Variants in ARID4B observed in about 807,000 individuals in gnomAD.
ARID4B encodes the protein AT-rich interaction domain 4B.
ARID4B carries 26 observed loss-of-function variants against 147.5 expected under a neutral mutation model. The ratio of observed to expected loss-of-function variants is 0.18; its 90% CI spans 0.13 to 0.24. The LOEUF (loss-of-function observed/expected upper bound fraction) is 0.24, where lower values mean the gene tolerates loss of function less well. Ranked by LOEUF, ARID4B falls within the 10% of genes least tolerant of loss-of-function variation. The probability of loss-of-function intolerance (pLI) is 1.00; values close to 1 mark genes in which losing one functional copy is unlikely to be tolerated. For missense variants in ARID4B, 1,179 were observed against 1,511.5 expected (o/e 0.78, Z 3.65); for synonymous variants, 512 against 507.9 (o/e 1.01, Z -0.11).
At chr1:235,316,411 A>G (rs1309647722) in intron 2 of ARID4B, among the ~76,000 whole-genome samples, 1 of 152,092 alleles carries the variant, frequency 6.6e-6, no homozygotes, top group East Asian at 1.9e-4. Flanking sequence ...CTGGAAGCTG[A>G]GGCAGGAGAA....
At chr1:235,230,528 A>C (rs1668134722) in intron 10 of ARID4B, among the ~76,000 whole-genome samples, 1 of 148,918 alleles carries the variant, frequency 6.7e-6, no homozygotes, top group African/African-American at 2.5e-5. Context: ...CAAAAGCTAG[A>C]TTATAGTAAC....
Position 235,257,141 on chromosome 1 carries a change from C to T in ARID4B, c.183+19G>A, listed in dbSNP as rs1295960093. On this transcript the variant is annotated intron_variant, in intron 4 of 23. Transcript: ENST00000264183. ...TTTCCCAAACAACCATTAGAATTAA[C>T]AATGAATACATGAATTACCTTTAGT... is the stretch of plus-strand genomic sequence containing the variant. 2 of 1,561,606 alleles carry T rather than the reference C, an allele frequency of 1.3e-6. No individual in the cohort carries two copies. The highest frequency in any genetic ancestry group is 1.4e-5 in the African/African-American group (1 of 73,786).
intron 17 of ARID4B, among the ~76,000 whole-genome samples, chr1:235,204,560 C>T (rs182405130): frequency 4.2e-4 from 64 of 152,136 alleles, no homozygotes; most frequent in African/African-American, 1.4e-3. Flanking sequence ...AGCAATGTAA[C>T]GCTATAAAAT....
chr1:235,238,718 TG>T (rs990359146), intron 8 of ARID4B, among the ~76,000 whole-genome samples: 1 of 152,056 alleles, frequency 6.6e-6, no homozygotes, highest in African/African-American at 2.4e-5. Flanking sequence ...TAGCCAGATG[TG>T]GTGGTCTCCA....
intron 2 of ARID4B, among the ~76,000 whole-genome samples, chr1:235,261,618 T>C (rs1162234419): frequency 6.6e-6 from 1 of 152,222 alleles, no homozygotes; most frequent in Non-Finnish European, 1.5e-5. Flanking sequence ...GAAAGTCATC[T>C]GGAAAGTCTC....
At position 235,235,451 on chromosome 1, in the gene ARID4B, T is replaced by C. The variant is rs1406750243; in HGVS notation, c.586-959A>G. 2.0e-5 allele frequency among the ~76,000 whole-genome samples: 3 copies of C among 152,314 alleles called. No homozygotes were observed. The East Asian group carries it at 5.8e-4, about 29-fold the overall frequency. Reference sequence around the variant, plus strand: ...TTACTTTTCCCTGATGAGCGAAGGATTTCGAAAACTGCACATGTGATAGCT... The same window carrying C: ...TTACTTTTCCCTGATGAGCGAAGGACTTCGAAAACTGCACATGTGATAGCT... On this transcript the variant is annotated intron_variant, in intron 8 of 23. Transcript: ENST00000264183.
At chr1:235,292,530 C>T (rs1244598146) in intron 2 of ARID4B, among the ~76,000 whole-genome samples, 2 of 151,176 alleles carry the variant, frequency 1.3e-5, no homozygotes, top group South Asian at 2.1e-4. Context: ...GCAGGAGGAA[C>T]GCTTGAACCC....
chr1:235,196,927 A>G (rs1287952619), intron 17 of ARID4B, among the ~76,000 whole-genome samples: 3 of 66,056 alleles, frequency 4.5e-5, no homozygotes, highest in Non-Finnish European at 5.5e-5. Flanking sequence ...AAAATCAACT[A>G]GAAAAAAAAA....
chr1:235,192,620 T>C (rs1209258868), intron 19 of ARID4B, among the ~76,000 whole-genome samples: 1 of 152,124 alleles, frequency 6.6e-6, no homozygotes, highest in African/African-American at 2.4e-5. Flanking sequence ...ACATTCAAAA[T>C]AAGTAAAAAT....
At chr1:235,265,090 C>T (rs896408051) in intron 2 of ARID4B, among the ~76,000 whole-genome samples, 2 of 146,724 alleles carry the variant, frequency 1.4e-5, no homozygotes, top group Non-Finnish European at 3.0e-5. Context: ...CGGCTGGGCA[C>T]GGTGGCTCAT....
rs1475573214 is a variant in ARID4B, at chr1:235,328,138, G to T, written c.-419C>A. On this transcript the variant is annotated 5_prime_UTR_variant, in exon 1 of 24. Transcript: ENST00000264183. ...AAGCTCAAGAGTCTCCCTCCGCTTC[G>T]GCGACCGAGCTCCTCACTCCGGACT... 6.5e-6 allele frequency: 1 copy of T among 153,158 alleles called. No homozygotes were observed. 9.5% of individuals were successfully genotyped at this position (153,158 alleles called of 1,614,324 possible).
intron 2 of ARID4B, among the ~76,000 whole-genome samples, chr1:235,277,546 A>ATAAT (rs199936355): frequency 0.063 from 8,856 of 141,260 alleles, 595 homozygotes; most frequent in African/African-American, 0.16. Flanking sequence ...CAAAAAAAAA[A>ATAAT]AAAAATAATA....
chr1:235,296,611 C>T (rs561748945), intron 2 of ARID4B, among the ~76,000 whole-genome samples: 132 of 151,676 alleles, frequency 8.7e-4, no homozygotes, highest in African/African-American at 2.9e-3. Flanking sequence ...GCACACACCA[C>T]CATGCCTGGC....
chr1:235,173,742 TAAAAAAAA>T (rs755815257), intron 22 of ARID4B, among the ~76,000 whole-genome samples: 13 of 26,226 alleles, frequency 5.0e-4, no homozygotes, highest in African/African-American at 1.5e-3. Context: ...CGTCTCTATT[TAAAAAAAA>T]AAAAAAAAAA....
At chr1:235,194,432 G>A (rs1025723669) in intron 18 of ARID4B, among the ~76,000 whole-genome samples, 29 of 152,136 alleles carry the variant, frequency 1.9e-4, no homozygotes, top group African/African-American at 6.7e-4. Flanking sequence ...TTTAATAACG[G>A]GAATCAAATT....
At position 235,223,355 on chromosome 1, in the gene ARID4B, A is replaced by T. The variant is rs200201658; in HGVS notation, c.971-95T>A. The T allele has an allele frequency of 9.3e-5, 36 of 385,180 alleles. No individual in the cohort carries two copies. In the East Asian group the frequency reaches 1.9e-3, roughly 20 times the overall value. The allele number at this position is 385,180 out of a possible 1,614,324, so 23.9% of individuals were successfully genotyped here. On this transcript the variant is annotated intron_variant, in intron 12 of 23. Transcript: ENST00000264183. ...ATAATACAAGTATTTATAGTATTTT[A>T]TATATATATACACGTATATATATAT...
intron 19 of ARID4B, among the ~76,000 whole-genome samples, chr1:235,184,346 G>A (rs1406599469): frequency 6.6e-6 from 1 of 151,600 alleles, no homozygotes; most frequent in Non-Finnish European, 1.5e-5. Context: ...AATGCTACGA[G>A]ATACATGTTA....
rs751052632 is a variant in ARID4B, at chr1:235,167,903, C to CT, written c.*621dup. ...CAATTTGAAGGGCCATGAAAAGCCACTGCAAGACCTTTTAGCCTAATTCAA... is the reference window on the plus strand; with the variant it reads ...CAATTTGAAGGGCCATGAAAAGCCACTTGCAAGACCTTTTAGCCTAATTCAA... On this transcript the variant is annotated 3_prime_UTR_variant, in exon 24 of 24. Coordinates refer to ENST00000264183, the MANE Select transcript of ARID4B (RefSeq NM_016374.6). 28 of 197,592 alleles carry CT rather than the reference C, an allele frequency of 1.4e-4. No individual in the cohort carries two copies. Among genetic ancestry groups the CT allele is most frequent in the Admixed American group, 6.7e-4 (11 of 16,520 alleles). 12.2% of individuals were successfully genotyped at this position (197,592 alleles called of 1,614,324 possible). A position where few individuals can be genotyped will look rare whatever the true frequency, so the allele number is the denominator to read the frequency against.
rs1673953834 is a variant in ARID4B at position 235,310,272 on chromosome 1, AAGT to A, written c.6+16639_6+16641del. 2.0e-5 allele frequency among the ~76,000 whole-genome samples: 3 copies of A among 151,996 alleles called. No individual in the cohort carries two copies. In the South Asian group the frequency reaches 6.2e-4, roughly 31 times the overall value. ...AAATTTAAAACTTTTTCAACAAAGT[AAGT>A]AGGCAAAAGGTTTGTAAACTACACT... is the stretch of plus-strand genomic sequence containing the variant. On this transcript the variant is annotated intron_variant, in intron 2 of 23. Coordinates refer to ENST00000264183, the MANE Select transcript of ARID4B (RefSeq NM_016374.6).
Sources: gnomAD v4.1 joint callset for allele counts (sites outside exome capture counted in the v4.1 genomes callset) on GRCh38, gnomAD v4.1.1 for gene constraint, MANE v1.5 for transcripts, NCBI Gene and HGNC (gene_info 2026-07-23, HGNC 2026-07-21) for gene names.